Variants in HS3ST3B1 observed in about 807,000 individuals in gnomAD.
HS3ST3B1 encodes the protein heparan sulfate-glucosamine 3-sulfotransferase 3B1.
HS3ST3B1 carries 13 observed loss-of-function variants against 21.3 expected under a neutral mutation model. The observed-to-expected ratio is 0.61, with a 90% CI of 0.40 to 0.97. The LOEUF is 0.97. Ranked by LOEUF, HS3ST3B1 falls within the 50% of genes least tolerant of loss-of-function variation. HS3ST3B1 has a pLI of 0.00. For synonymous variants in HS3ST3B1, 234 were observed against 254.8 expected (o/e 0.92, Z 0.78); for missense variants, 459 against 554.8 (o/e 0.83, Z 1.73).
intron 1 of HS3ST3B1, among the ~76,000 whole-genome samples, chr17:14,315,181 C>A (rs1221040077): frequency 6.6e-6 from 1 of 152,038 alleles, no homozygotes; most frequent in African/African-American, 2.4e-5. Flanking sequence ...AGCAGAATAC[C>A]CAATGTGTAC....
At chr17:14,307,268 T>A (rs982003791) in intron 1 of HS3ST3B1, among the ~76,000 whole-genome samples, 1 of 152,208 alleles carries the variant, frequency 6.6e-6, no homozygotes, top group African/African-American at 2.4e-5. Context: ...TTATGTTTTT[T>A]AATGGAAACT....
At position 14,346,451 on chromosome 17, in the gene HS3ST3B1, A is replaced by C. The variant is rs1463482911; in HGVS notation, c.*805A>C. ...TTTTTAGTAGAGACGGGGTTTCTTC[A>C]TGTTGGTCAGGCTGGTATCAAACTC... On this transcript the variant is annotated 3_prime_UTR_variant, in exon 2 of 2. Coordinates refer to ENST00000360954, the MANE Select transcript of HS3ST3B1 (RefSeq NM_006041.3). 1.3e-5 allele frequency: 2 copies of C among 151,752 alleles called. No individual in the cohort carries two copies. Among genetic ancestry groups the C allele is most frequent in the Non-Finnish European group, 2.9e-5 (2 of 67,994 alleles). The allele number at this position is 151,752 out of a possible 1,614,324, so 9.4% of individuals were successfully genotyped here.
chr17:14,314,644 T>A (rs1197454360), intron 1 of HS3ST3B1, among the ~76,000 whole-genome samples: 2 of 152,206 alleles, frequency 1.3e-5, no homozygotes, highest in Non-Finnish European at 2.9e-5. Context: ...CTGCTGCTTT[T>A]ATAAAGGATC....
chr17:14,311,751 C>T (rs1011048562), intron 1 of HS3ST3B1, among the ~76,000 whole-genome samples: 2 of 152,120 alleles, frequency 1.3e-5, no homozygotes, highest in Non-Finnish European at 2.9e-5. Flanking sequence ...ATGAACTTGT[C>T]CCTGAGAAGC....
At chr17:14,335,476 G>C (rs2142348366) in intron 1 of HS3ST3B1, among the ~76,000 whole-genome samples, 1 of 152,270 alleles carries the variant, frequency 6.6e-6, no homozygotes, top group East Asian at 1.9e-4. Context: ...GGGTGGATCA[G>C]TTGAGGTCAG....
At chr17:14,335,899 G>A (rs1275739828) in intron 1 of HS3ST3B1, among the ~76,000 whole-genome samples, 1 of 152,032 alleles carries the variant, frequency 6.6e-6, no homozygotes, top group East Asian at 1.9e-4. Context: ...TGATAGTGGT[G>A]GTTACACAAT....
At chr17:14,306,136 A>G (rs1368481584) in intron 1 of HS3ST3B1, among the ~76,000 whole-genome samples, 1 of 152,190 alleles carries the variant, frequency 6.6e-6, no homozygotes, top group Admixed American at 6.5e-5. Flanking sequence ...CTCAGCGCAG[A>G]CTGCAGATTT....
intron 1 of HS3ST3B1, among the ~76,000 whole-genome samples, chr17:14,343,126 C>T (rs7219199): frequency 0.15 from 23,088 of 151,618 alleles, 1,818 homozygotes; most frequent in African/African-American, 0.19. Flanking sequence ...CCTGTAGTCC[C>T]AGGTACTCAG....
intron 1 of HS3ST3B1, among the ~76,000 whole-genome samples, chr17:14,322,091 G>A (rs1028896338): frequency 4.0e-5 from 6 of 149,860 alleles, no homozygotes; most frequent in Non-Finnish European, 8.9e-5. Flanking sequence ...TTTAATTGTC[G>A]GATAGGAAAA....
chr17:14,310,823 A>C (rs1038923670), intron 1 of HS3ST3B1, among the ~76,000 whole-genome samples: 11 of 152,242 alleles, frequency 7.2e-5, no homozygotes, highest in Non-Finnish European at 1.5e-4. Flanking sequence ...GGCACTTAGC[A>C]TATGCTAGTG....
chr17:14,301,878 C>T lies in HS3ST3B1; in HGVS notation c.360C>T (p.Asp120=), dbSNP rs372415600. 3.7e-6 allele frequency: 6 copies of T among 1,605,208 alleles called. No homozygotes were observed. In the African/African-American group the frequency reaches 4.0e-5, roughly 11 times the overall value. Residue 120 remains aspartate, a synonymous_variant, in exon 1 of 2, where the codon GAC becomes GAT. Transcript: ENST00000360954. ...AGGAGCAGAGTCCCGAGGTGCCGGA[C>T]TCCCCAAGCCCCATCTCCAGCTTTT... ...SPEEQSPEVP[D]SPSPISSFFS...
At chr17:14,344,266 G>T (rs1283545673) in intron 1 of HS3ST3B1, among the ~76,000 whole-genome samples, 1 of 152,190 alleles carries the variant, frequency 6.6e-6, no homozygotes, top group Non-Finnish European at 1.5e-5. Flanking sequence ...AGATTCAGGG[G>T]ATGCATGTGC....
At chr17:14,320,804 C>G (rs1291844539) in intron 1 of HS3ST3B1, among the ~76,000 whole-genome samples, 1 of 152,194 alleles carries the variant, frequency 6.6e-6, no homozygotes, top group Non-Finnish European at 1.5e-5. Context: ...CGCAGACCTA[C>G]AATAGGAACA....
rs189799628 is a variant in HS3ST3B1, at chr17:14,339,202, G to A, written c.555-5826G>A. 2.0e-3 allele frequency among the ~76,000 whole-genome samples: 307 copies of A among 152,230 alleles called. 1 individual carries two copies. The highest frequency in any genetic ancestry group is 3.3e-3 in the Non-Finnish European group (227 of 68,016). ...AGAAGAGGCGGGGCCAGGGTTGCTG[G>A]AGGGGAGGTGCTGTTGCAATGATTG... On this transcript the variant is annotated intron_variant, in intron 1 of 1. Transcript: ENST00000360954.
chr17:14,316,990 C>A (rs1193954829), intron 1 of HS3ST3B1, among the ~76,000 whole-genome samples: 1 of 152,228 alleles, frequency 6.6e-6, no homozygotes, highest in Non-Finnish European at 1.5e-5. Flanking sequence ...TGGGGAAATT[C>A]TAACATCTGC....
chr17:14,308,641 A>G (rs1909205336), intron 1 of HS3ST3B1, among the ~76,000 whole-genome samples: 1 of 152,238 alleles, frequency 6.6e-6, no homozygotes, highest in African/African-American at 2.4e-5. Context: ...AAGTACACAC[A>G]CTATACATTG....
intron 1 of HS3ST3B1, among the ~76,000 whole-genome samples, chr17:14,313,592 C>T (rs529470808): frequency 8.5e-5 from 13 of 152,062 alleles, no homozygotes; most frequent in East Asian, 5.8e-4. Context: ...TTTTTTGAGA[C>T]GAAGTTTCGC....
rs144191311 is a variant in HS3ST3B1 at position 14,329,367 on chromosome 17, A to AAAGGAAGGAAGGAAGGAAGGAAGGAAGG, written c.555-15636_555-15635insAGGAAGGAAGGAAGGAAGGAAGGAAGGA. The AAAGGAAGGAAGGAAGGAAGGAAGGAAGG allele has an allele frequency of 2.8e-3, 297 of 106,174 alleles. 2 individuals are homozygous for AAAGGAAGGAAGGAAGGAAGGAAGGAAGG. The highest frequency in any genetic ancestry group is 8.1e-3 in the Admixed American group (75 of 9,254). The allele number at this position is 106,174 out of a possible 1,614,324, so 6.6% of individuals were successfully genotyped here. On this transcript the variant is annotated intron_variant, in intron 1 of 1. Transcript: ENST00000360954. ...AAAGAAAGAAAGAAAGAAAGAAAGA[A>AAAGGAAGGAAGGAAGGAAGGAAGGAAGG]AAGGAAGGAAGGAAGGAAGGAAGGA... is the stretch of plus-strand genomic sequence containing the variant.
chr17:14,302,132 G>T, intron 1 of HS3ST3B1, 60 bp downstream of exon 1: 3 of 1,511,918 alleles, frequency 2.0e-6, no homozygotes, highest in Non-Finnish European at 2.7e-6. Flanking sequence ...AGCTAAGGGA[G>T]ACATGGCGTA....
Sources: allele counts gnomAD v4.1 joint callset (sites outside exome capture counted in the v4.1 genomes callset), GRCh38; gene constraint gnomAD v4.1.1; transcripts MANE v1.5; gene names NCBI Gene and HGNC (gene_info 2026-07-23, HGNC 2026-07-21).